STIMATE: variants seen among roughly 807,000 people sequenced by gnomAD.
STIMATE encodes the protein STIM activating enhancer.
In STIMATE, 15 loss-of-function variants were observed where a neutral mutation model predicts 36.7. The observed-to-expected ratio is 0.41, with a 90% CI of 0.27 to 0.63. The LOEUF (loss-of-function observed/expected upper bound fraction) is 0.63, where lower values mean the gene tolerates loss of function less well. STIMATE is among the 20% of genes least tolerant of loss of function. STIMATE has a pLI of 0.32. For synonymous variants in STIMATE, 163 were observed against 162.3 expected (o/e 1.00, Z -0.03); for missense variants, 305 against 397.3 (o/e 0.77, Z 1.98).
intron 2 of STIMATE, among the ~76,000 whole-genome samples, chr3:52,853,736 A>G (rs1026737037): frequency 6.6e-6 from 1 of 152,186 alleles, no homozygotes; most frequent in African/African-American, 2.4e-5. Context: ...CAACGGGGGG[A>G]AAATAAAAAG....
intron 1 of STIMATE, among the ~76,000 whole-genome samples, chr3:52,891,230 T>C (rs1456313014): frequency 1.3e-5 from 2 of 152,094 alleles, no homozygotes; most frequent in Non-Finnish European, 2.9e-5. Context: ...ACAGAGGAAG[T>C]GGCTCAGGGT....
chr3:52,867,574 T>C (rs1233892607), intron 1 of STIMATE, among the ~76,000 whole-genome samples: 3 of 152,248 alleles, frequency 2.0e-5, no homozygotes, highest in Non-Finnish European at 2.9e-5. Context: ...CTCTGCCCCA[T>C]GGCATGTTGC....
At chr3:52,850,218 G>C (rs4687674) in intron 3 of STIMATE, among the ~76,000 whole-genome samples, 135,486 of 152,218 alleles carry the variant, frequency 0.89, 62,198 homozygotes, top group Non-Finnish European at 1. Flanking sequence ...GGATCACGAG[G>C]TCAGGAGATA....
chr3:52,852,366 C>T (rs1421767984), intron 3 of STIMATE, among the ~76,000 whole-genome samples: 1 of 152,196 alleles, frequency 6.6e-6, no homozygotes, highest in East Asian at 1.9e-4. Flanking sequence ...GATTGATGAA[C>T]AGAAAGCCAG....
In STIMATE at chr3:52,841,083, T is replaced by C. The variant is rs560144420; in HGVS notation, c.769-473A>G. Among the ~76,000 whole-genome samples the C allele has an allele frequency of 1.3e-4, 20 of 152,316 alleles. No individual in the cohort carries two copies. The East Asian group carries it at 3.9e-3, about 29-fold the overall frequency. On this transcript the variant is annotated intron_variant, in intron 7 of 7. Coordinates refer to ENST00000355083, the MANE Select transcript of STIMATE (RefSeq NM_198563.5). ...GAGACGTGCTAGCCTCCACAGGCCATGTTCACTCCAAGGACACTCATGGGC... is the reference window on the plus strand; with the variant it reads ...GAGACGTGCTAGCCTCCACAGGCCACGTTCACTCCAAGGACACTCATGGGC...
At chr3:52,842,189 C>A (rs1229928925) in intron 7 of STIMATE, among the ~76,000 whole-genome samples, 3 of 152,244 alleles carry the variant, frequency 2.0e-5, no homozygotes, top group Non-Finnish European at 4.4e-5. Flanking sequence ...ACTTCCTAGG[C>A]CTCCCATGCC....
chr3:52,850,124 CAA>C (rs1429477885), intron 3 of STIMATE, among the ~76,000 whole-genome samples: 3 of 152,222 alleles, frequency 2.0e-5, no homozygotes, highest in Admixed American at 6.5e-5. Flanking sequence ...GAGTGAGGGA[CAA>C]AGACACTTTA....
At position 52,838,396 on chromosome 3, in the gene STIMATE, G is replaced by C. The variant is rs1700740543; in HGVS notation, c.*2098C>G. On this transcript the variant is annotated 3_prime_UTR_variant, in exon 8 of 8. Transcript: ENST00000355083. The stretch of plus-strand genomic sequence containing the variant: ...GGTGGAAGAAACAGCTGCAGGCACA[G>C]GTTGTTCAAACCAAAATGAAACAGG... 6.6e-6 allele frequency: 1 copy of C among 152,232 alleles called. No individual in the cohort carries two copies. Among genetic ancestry groups the C allele is most frequent in the African/African-American group, 2.4e-5 (1 of 41,448 alleles). 9.4% of individuals were successfully genotyped at this position (152,232 alleles called of 1,614,324 possible).
chr3:52,863,335 T>A (rs937509582), intron 1 of STIMATE, among the ~76,000 whole-genome samples: 1 of 151,814 alleles, frequency 6.6e-6, no homozygotes, highest in East Asian at 1.9e-4. Flanking sequence ...CAAGAGAAAA[T>A]GAGGAAGATG....
intron 2 of STIMATE, among the ~76,000 whole-genome samples, chr3:52,853,353 G>A (rs1372276982): frequency 6.6e-6 from 1 of 152,130 alleles, no homozygotes; most frequent in Non-Finnish European, 1.5e-5. Flanking sequence ...AAAAAACAAG[G>A]GTGTTAATCT....
chr3:52,845,263 A>G (rs2106654163), intron 4 of STIMATE, among the ~76,000 whole-genome samples: 1 of 152,240 alleles, frequency 6.6e-6, no homozygotes, highest in East Asian at 1.9e-4. Context: ...GCCGGCTGGC[A>G]GCAGAAGCTG....
chr3:52,862,546 A>G (rs961098177), intron 1 of STIMATE, among the ~76,000 whole-genome samples: 1 of 152,262 alleles, frequency 6.6e-6, no homozygotes, highest in African/African-American at 2.4e-5. Flanking sequence ...AAAGGTGAAT[A>G]TATGGAGAGT....
At chr3:52,894,107 GGAATTGCTTGGC>G (rs1701826138) in intron 1 of STIMATE, among the ~76,000 whole-genome samples, 1 of 152,078 alleles carries the variant, frequency 6.6e-6, no homozygotes, top group Non-Finnish European at 1.5e-5. Context: ...ACCAAAACGA[GGAATTGCTTGGC>G]AAAGCCCCCT....
At chr3:52,874,931 T>C (rs1337821648) in intron 1 of STIMATE, among the ~76,000 whole-genome samples, 1 of 152,196 alleles carries the variant, frequency 6.6e-6, no homozygotes, top group Non-Finnish European at 1.5e-5. Flanking sequence ...GCACATTAGA[T>C]AATTAAAAAC....
At chr3:52,854,941 A>C (rs1179015030) in intron 2 of STIMATE, among the ~76,000 whole-genome samples, 2 of 152,228 alleles carry the variant, frequency 1.3e-5, no homozygotes, top group African/African-American at 4.8e-5. Flanking sequence ...TTTTGAGTAG[A>C]GAAATAGTTT....
At chr3:52,847,269 T>G (rs1394142802) in intron 4 of STIMATE, 2 of 1,166,588 alleles carry the variant, frequency 1.7e-6, no homozygotes, top group Middle Eastern at 4.0e-4. Context: ...GTGTTTTGTT[T>G]GGGTTTAATT....
At position 52,877,473 on chromosome 3, in the gene STIMATE, G is replaced by A. The variant is rs1011812750; in HGVS notation, c.160+19818C>T. Among the ~76,000 whole-genome samples, 4 of 152,244 alleles carry A rather than the reference G, an allele frequency of 2.6e-5. No individual in the cohort carries two copies. The East Asian group carries it at 7.7e-4, about 29-fold the overall frequency. ...CATGGCAGGGGGCACAGAAACAGCA[G>A]TAAGAGTAGGCATTGGAGGGGAAAG... On this transcript the variant is annotated intron_variant, in intron 1 of 7. Transcript: ENST00000355083.
intron 1 of STIMATE, among the ~76,000 whole-genome samples, chr3:52,875,981 C>G (rs963843570): frequency 2.0e-5 from 3 of 152,336 alleles, no homozygotes; most frequent in Middle Eastern, 3.4e-3. Context: ...TGATCCCCAA[C>G]AGCACCCTGC....
chr3:52,886,929 C>T (rs555854420), intron 1 of STIMATE, among the ~76,000 whole-genome samples: 1 of 152,220 alleles, frequency 6.6e-6, no homozygotes, highest in East Asian at 1.9e-4. Context: ...TCAGACAAAC[C>T]CAATCTGGGA....
Sources: allele counts gnomAD v4.1 joint callset (sites outside exome capture counted in the v4.1 genomes callset), GRCh38; gene constraint gnomAD v4.1.1; transcripts MANE v1.5; gene names NCBI Gene and HGNC (gene_info 2026-07-23, HGNC 2026-07-21).